FAM241A: variants seen among roughly 807,000 people sequenced by gnomAD.
FAM241A encodes uncharacterized protein FAM241A.
FAM241A carries 7 observed loss-of-function variants against 12.2 expected under a neutral mutation model. The ratio of observed to expected loss-of-function variants is 0.58; its 90% CI spans 0.33 to 1.08. The LOEUF (loss-of-function observed/expected upper bound fraction) is 1.08. Among genes scored for constraint, FAM241A ranks in the 50% least tolerant of loss-of-function variants. The pLI is 0.04. For synonymous variants in FAM241A, 74 were observed against 68.2 expected (o/e 1.08, Z -0.42); for missense variants, 161 against 169.7 (o/e 0.95, Z 0.29).
intron 1 of FAM241A, among the ~76,000 whole-genome samples, chr4:112,151,018 C>T (rs1009862739): frequency 5.3e-5 from 8 of 152,072 alleles, no homozygotes; most frequent in African/African-American, 1.2e-4. Flanking sequence ...CCACCTGAGG[C>T]GAAAAGCAGA....
chr4:112,154,164 A>G (rs1723304189), intron 1 of FAM241A, among the ~76,000 whole-genome samples: 1 of 152,228 alleles, frequency 6.6e-6, no homozygotes, highest in Non-Finnish European at 1.5e-5. Context: ...CGAAATTTTC[A>G]CTGCCACAAA....
rs1220748037 is a variant in FAM241A at position 112,194,665 on chromosome 4, A to G, written c.*7727A>G. On this transcript the variant is annotated 3_prime_UTR_variant, in exon 2 of 2. Transcript: ENST00000309733. ...CTGGATTACATTGATTGATTTGCGT[A>G]TATTGAACCAGCCTTGCATCCCAGG... The G allele has an allele frequency of 6.6e-6, 1 of 152,100 alleles. No individual in the cohort carries two copies. The highest frequency in any genetic ancestry group is 2.4e-5 in the African/African-American group (1 of 41,398). 9.4% of individuals were successfully genotyped at this position (152,100 alleles called of 1,614,324 possible). A position where few individuals can be genotyped will look rare whatever the true frequency, so the allele number is the denominator to read the frequency against.
chr4:112,180,169 A>G (rs373414048), intron 1 of FAM241A, among the ~76,000 whole-genome samples: 7 of 151,888 alleles, frequency 4.6e-5, no homozygotes, highest in African/African-American at 1.7e-4. Context: ...TCATGGACAT[A>G]AGGATGGCAA....
At position 112,189,797 on chromosome 4, in the gene FAM241A, A is replaced by G. The variant is rs1724127080; in HGVS notation, c.*2859A>G. ...TCAAGTTGGTAGTTTGAAATTGGCC[A>G]TGGTGAGAGTATTTACACCAAAAAA... On this transcript the variant is annotated 3_prime_UTR_variant, in exon 2 of 2. Transcript: ENST00000309733. 6.6e-6 allele frequency: 1 copy of G among 151,842 alleles called. No individual in the cohort carries two copies. Among genetic ancestry groups the G allele is most frequent in the South Asian group, 2.1e-4 (1 of 4,824 alleles). 9.4% of individuals were successfully genotyped at this position (151,842 alleles called of 1,614,324 possible). A position where few individuals can be genotyped will look rare whatever the true frequency, so the allele number is the denominator to read the frequency against.
At chr4:112,165,572 C>T (rs932117480) in intron 1 of FAM241A, among the ~76,000 whole-genome samples, 31 of 152,224 alleles carry the variant, frequency 2.0e-4, no homozygotes, top group Middle Eastern at 3.4e-3. Context: ...ACTATTCAGC[C>T]GTTAAAAAGA....
In FAM241A at chr4:112,145,482, G is replaced by A; in HGVS notation, c.-99G>A. On this transcript the variant is annotated 5_prime_UTR_variant, in exon 1 of 2. Transcript: ENST00000309733. Reference sequence around the variant, plus strand: ...CCGGCGGCTCCTGTCAGCGGCGGGTGCGGCGGATCCCAGGGCAGCCTTCGG... The same window carrying A: ...CCGGCGGCTCCTGTCAGCGGCGGGTACGGCGGATCCCAGGGCAGCCTTCGG... The A allele has an allele frequency of 8.8e-7, 1 of 1,134,484 alleles. No individual in the cohort carries two copies. The highest frequency in any genetic ancestry group is 1.1e-6 in the Non-Finnish European group (1 of 910,344). The allele number at this position is 1,134,484 out of a possible 1,614,324, so 70.3% of individuals were successfully genotyped here.
rs1724161874 is a variant in FAM241A, at chr4:112,191,394, T to C, written c.*4456T>C. 6.6e-6 allele frequency: 1 copy of C among 152,230 alleles called. No individual in the cohort carries two copies. Among genetic ancestry groups the C allele is most frequent in the Non-Finnish European group, 1.5e-5 (1 of 68,038 alleles). 9.4% of individuals were successfully genotyped at this position (152,230 alleles called of 1,614,324 possible). On this transcript the variant is annotated 3_prime_UTR_variant, in exon 2 of 2. Transcript: ENST00000309733. ...TTTCTAAAGAATTATTCTAACATGATTCTGATATCCTTGACCTAAATCTTT... is the reference window on the plus strand; with the variant it reads ...TTTCTAAAGAATTATTCTAACATGACTCTGATATCCTTGACCTAAATCTTT...
In FAM241A at chr4:112,194,246, G is replaced by C. The variant is rs1158934750; in HGVS notation, c.*7308G>C. 1.5e-5 allele frequency: 2 copies of C among 137,594 alleles called. No individual in the cohort carries two copies. The highest frequency in any genetic ancestry group is 2.6e-5 in the African/African-American group (1 of 38,802). The allele number at this position is 137,594 out of a possible 1,614,324, so 8.5% of individuals were successfully genotyped here. A position where few individuals can be genotyped will look rare whatever the true frequency, so the allele number is the denominator to read the frequency against. ...TTGCTTATCAGCTTAAGGAGATTTT[G>C]GGCTGAGACAATGGGGTTTTCTAGA... On this transcript the variant is annotated 3_prime_UTR_variant, in exon 2 of 2. Coordinates refer to ENST00000309733, the MANE Select transcript of FAM241A (RefSeq NM_152400.3).
intron 1 of FAM241A, chr4:112,171,376 C>T (rs540388587): frequency 1.3e-6 from 1 of 763,690 alleles, no homozygotes; most frequent in Non-Finnish European, 2.4e-6. Flanking sequence ...CAAGCTAAGC[C>T]AATTTTCTGG....
rs964406767 is a variant in FAM241A, at chr4:112,193,029, G to C, written c.*6091G>C. 5 of 150,146 alleles carry C rather than the reference G, an allele frequency of 3.3e-5. No individual in the cohort carries two copies. In the East Asian group the frequency reaches 9.7e-4, roughly 29 times the overall value. The allele number at this position is 150,146 out of a possible 1,614,324, so 9.3% of individuals were successfully genotyped here. On this transcript the variant is annotated 3_prime_UTR_variant, in exon 2 of 2. Transcript: ENST00000309733. ...ACCTGTTGTTTCCTGACTTTTTAAT[G>C]ATCGCCATTCTAACTGGTGTGAGAT... is the stretch of plus-strand genomic sequence containing the variant.
chr4:112,175,477 G>A (rs1304192593), intron 1 of FAM241A, among the ~76,000 whole-genome samples: 1 of 152,224 alleles, frequency 6.6e-6, no homozygotes, highest in East Asian at 1.9e-4. Context: ...CCAAGAAAAT[G>A]AAATGTTCAG....
intron 1 of FAM241A, among the ~76,000 whole-genome samples, chr4:112,168,300 G>A (rs1373021387): frequency 3.3e-5 from 5 of 152,076 alleles, no homozygotes; most frequent in Non-Finnish European, 7.4e-5. Context: ...TATAAATAAT[G>A]AAAAGCAATT....
At chr4:112,159,847 T>C (rs1481086222) in intron 1 of FAM241A, among the ~76,000 whole-genome samples, 2 of 152,158 alleles carry the variant, frequency 1.3e-5, no homozygotes, top group African/African-American at 4.8e-5. Flanking sequence ...AATGAAAGTC[T>C]TTCCTCTAAG....
intron 1 of FAM241A, among the ~76,000 whole-genome samples, chr4:112,151,013 T>C (rs1438108899): frequency 6.6e-6 from 1 of 152,202 alleles, no homozygotes; most frequent in Non-Finnish European, 1.5e-5. Context: ...GAAAACCACC[T>C]GAGGCGAAAA....
rs1724087202 is a variant in FAM241A, at chr4:112,188,347, T to A, written c.*1409T>A. 6.6e-6 allele frequency: 1 copy of A among 152,212 alleles called. No individual in the cohort carries two copies. Among genetic ancestry groups the A allele is most frequent in the African/African-American group, 2.4e-5 (1 of 41,468 alleles). 9.4% of individuals were successfully genotyped at this position (152,212 alleles called of 1,614,324 possible). On this transcript the variant is annotated 3_prime_UTR_variant, in exon 2 of 2. Transcript: ENST00000309733. Reference sequence around the variant, plus strand: ...TTACCCAATCTTATTTCTAAACCTCTGTGCATTCTTAGTGTCTTCTCATTC... The same window carrying A: ...TTACCCAATCTTATTTCTAAACCTCAGTGCATTCTTAGTGTCTTCTCATTC...
rs1359284425 is a variant in FAM241A at position 112,186,642 on chromosome 4, A to C, written c.154-51A>C. 3 of 1,538,588 alleles carry C rather than the reference A, an allele frequency of 1.9e-6. No individual in the cohort carries two copies. The African/African-American group carries it at 4.2e-5, about 21-fold the overall frequency. Reference sequence around the variant, plus strand: ...AGAACTAAGGTTCTTAAAGACGTTTACATATTTCTCATGTTATGTTCATGT... The same window carrying C: ...AGAACTAAGGTTCTTAAAGACGTTTCCATATTTCTCATGTTATGTTCATGT... On this transcript the variant is annotated intron_variant, in intron 1 of 1. Transcript: ENST00000309733.
chr4:112,148,730 G>A (rs946647410), intron 1 of FAM241A, among the ~76,000 whole-genome samples: 1 of 152,230 alleles, frequency 6.6e-6, no homozygotes, highest in Non-Finnish European at 1.5e-5. Context: ...TTGTGTGTAT[G>A]AGAGATGATC....
At chr4:112,171,644 G>C in intron 1 of FAM241A, 1 of 503,920 alleles carries the variant, frequency 2.0e-6, no homozygotes, top group Non-Finnish European at 3.6e-6. Flanking sequence ...CGAATCACGA[G>C]GTTAGGAGAT....
In FAM241A at chr4:112,193,710, TCTGTTTTGGTACCAGTACCATG is replaced by T. The variant is rs1418487014; in HGVS notation, c.*6783_*6804del. 1.3e-5 allele frequency: 2 copies of T among 152,224 alleles called. No homozygotes were observed. Among genetic ancestry groups the T allele is most frequent in the Non-Finnish European group, 2.9e-5 (2 of 68,064 alleles). 9.4% of individuals were successfully genotyped at this position (152,224 alleles called of 1,614,324 possible). A position where few individuals can be genotyped will look rare whatever the true frequency, so the allele number is the denominator to read the frequency against. ...CTTTTGTGTTCCATTGATCTATATC[TCTGTTTTGGTACCAGTACCATG>T]CTGTTTTGGTTATTGTAGCCTTGTA... On this transcript the variant is annotated 3_prime_UTR_variant, in exon 2 of 2. Transcript: ENST00000309733.
Sources: gnomAD v4.1 joint callset for allele counts (sites outside exome capture counted in the v4.1 genomes callset) on GRCh38, gnomAD v4.1.1 for gene constraint, MANE v1.5 for transcripts, NCBI Gene and HGNC (gene_info 2026-07-23, HGNC 2026-07-21) for gene names.